Variants in MRAP observed in about 807,000 individuals in gnomAD.
MRAP encodes the protein melanocortin 2 receptor accessory protein, also known as melanocortin-2 receptor accessory protein.
In MRAP, 8 loss-of-function variants were observed where a neutral mutation model predicts 8.7. The ratio of observed to expected loss-of-function variants is 0.92; its 90% confidence interval spans 0.54 to 1.66. The LOEUF (loss-of-function observed/expected upper bound fraction) is 1.66. Among genes scored for constraint, MRAP ranks in the 40% most tolerant of loss-of-function variants. The pLI is 0.00. For missense variants in MRAP, 237 were observed against 217.1 expected, an observed-to-expected ratio of 1.09 and a Z score of -0.58; for synonymous variants, 95 against 95.5, an observed-to-expected ratio of 1.00 and a Z score of 0.03.
chr21:32,306,767 G>T (rs771961650), intron 2 of MRAP, 28 bp downstream of exon 2: 2 of 1,560,390 alleles, frequency 1.3e-6, no homozygotes, highest in Admixed American at 1.7e-5. Context: ...TGAGTCTGTG[G>T]GTCACTCAGA....
chr21:32,312,006 A>AT lies in MRAP; in HGVS notation c.*11dup. 2 of 1,613,000 alleles carry AT rather than the reference A, an allele frequency of 1.2e-6. No individual in the cohort carries two copies. The highest frequency in any genetic ancestry group is 1.7e-6 in the Non-Finnish European group (2 of 1,180,034). ...TCAATTGCAGAGCTGATGTCAGTAA[A>AT]TCGTGGCCATAGCTGAGTGAACTGG... On this transcript the variant is annotated 3_prime_UTR_variant, in exon 3 of 3. Coordinates refer to ENST00000303645, the MANE Select transcript of MRAP (RefSeq NM_001379228.1).
At chr21:32,298,459 G>T (rs1482967653), upstream of MRAP, among the ~76,000 whole-genome samples, 2 of 152,192 alleles carry the variant, frequency 1.3e-5, no homozygotes, top group Non-Finnish European at 2.9e-5. Flanking sequence ...TCTGCCCTCA[G>T]ATATTGAATC....
rs566223651 is a variant in MRAP at position 32,299,078 on chromosome 21, G to C, written c.106+1G>C. 20 of 1,612,992 alleles carry C rather than the reference G, an allele frequency of 1.2e-5. No individual in the cohort carries two copies. The highest frequency in any genetic ancestry group is 2.2e-5 in the East Asian group (1 of 44,854). Reference sequence around the variant, plus strand: ...GAGAAGAAGCTGAAAGCCCACAAACGTAAGTCTGAACTAGGGAAGCCGGTC... The same window carrying C: ...GAGAAGAAGCTGAAAGCCCACAAACCTAAGTCTGAACTAGGGAAGCCGGTC... On this transcript the variant is annotated splice_donor_variant, in intron 1 of 2. Transcript: ENST00000303645. LOFTEE classifies it high-confidence loss of function.
intron 1 of MRAP, 37 bp downstream of exon 1, chr21:32,299,114 T>G: frequency 6.4e-7 from 1 of 1,563,076 alleles, no homozygotes; most frequent in Non-Finnish European, 8.8e-7. Context: ...AGACAGAGGC[T>G]GGGGGCCGGG....
At chr21:32,299,627 G>A in intron 1 of MRAP, among the ~76,000 whole-genome samples, 1 of 152,128 alleles carries the variant, frequency 6.6e-6, no homozygotes. Flanking sequence ...CACCGTGCCT[G>A]GCGAGAATAT....
At chr21:32,310,635 A>T (rs908029242) in intron 2 of MRAP, among the ~76,000 whole-genome samples, 2 of 150,702 alleles carry the variant, frequency 1.3e-5, no homozygotes, top group Non-Finnish European at 3.0e-5. Flanking sequence ...CCCAGGGAGG[A>T]CACATTTCTT....
At chr21:32,300,928 T>C (rs2032278143) in intron 1 of MRAP, among the ~76,000 whole-genome samples, 1 of 151,758 alleles carries the variant, frequency 6.6e-6, no homozygotes, top group East Asian at 1.9e-4. Context: ...TGTCATGATA[T>C]ATCGTGTATG....
chr21:32,292,493 G>A lies in MRAP; in HGVS notation c.-150-500G>A, dbSNP rs186441110. ...TTCCTTTGAGATGGAGTCTTGCTCT[G>A]TCGTCCAGGTTGGAATACAGTGGCG... On this transcript the variant is annotated intron_variant, in intron 1 of 4. Transcript: ENST00000399784. Among the ~76,000 whole-genome samples the A allele has an allele frequency of 2.0e-5, 3 of 152,206 alleles. No individual in the cohort carries two copies. In the East Asian group the frequency reaches 5.8e-4, roughly 29 times the overall value.
chr21:32,300,250 C>G (rs1175490797), intron 1 of MRAP, among the ~76,000 whole-genome samples: 1 of 152,090 alleles, frequency 6.6e-6, no homozygotes, highest in Non-Finnish European at 1.5e-5. Flanking sequence ...TAAACGCAGA[C>G]CAGGCATGGT....
At chr21:32,306,766 G>A (rs1301649953) in intron 2 of MRAP, 27 bp downstream of exon 2, 1 of 1,573,004 alleles carries the variant, frequency 6.4e-7, no homozygotes, top group Admixed American at 1.7e-5. Context: ...GTGAGTCTGT[G>A]GGTCACTCAG....
At chr21:32,300,785 CGGATGTGTCATGCATCCTATGTCA>C (rs2032267514) in intron 1 of MRAP, among the ~76,000 whole-genome samples, 1 of 142,048 alleles carries the variant, frequency 7.0e-6, no homozygotes. Context: ...CCTCCTATGT[CGGATGTGTCATGCATCCTATGTCA>C]GGGGCGTCAT....
At chr21:32,297,455 A>T (rs976084897), upstream of MRAP, among the ~76,000 whole-genome samples, 1 of 152,234 alleles carries the variant, frequency 6.6e-6, no homozygotes, top group South Asian at 2.1e-4. Flanking sequence ...TGGTGAACAC[A>T]TTGAGGTGCT....
chr21:32,307,433 C>T (rs745554666), intron 2 of MRAP, among the ~76,000 whole-genome samples: 2 of 151,734 alleles, frequency 1.3e-5, no homozygotes, highest in African/African-American at 4.8e-5. Context: ...AAAAATTAGC[C>T]GGGCGTGGTG....
intron 2 of MRAP, chr21:32,311,458 G>A (rs528499742): frequency 2.8e-5 from 12 of 427,990 alleles, no homozygotes; most frequent in African/African-American, 2.4e-4. Flanking sequence ...TGGCCTCCAG[G>A]GAAAGACCTG....
rs760615045 is a variant in MRAP at position 32,306,660 on chromosome 21, TG to T, written c.130del (p.Val44Ter). The T allele has an allele frequency of 2.5e-6, 4 of 1,614,182 alleles. No individual in the cohort carries two copies. The highest frequency in any genetic ancestry group is 3.4e-6 in the Non-Finnish European group (4 of 1,180,032). On this transcript the variant is annotated frameshift_variant, in exon 2 of 3. Coordinates refer to ENST00000303645, the MANE Select transcript of MRAP (RefSeq NM_001379228.1). LOFTEE classifies it high-confidence loss of function. ...CGCAGATTCCATCGTGATCGCATTCTGGGTGAGCCTGGCTGCCTTCGTGGTG... is the reference window on the plus strand; with the variant it reads ...CGCAGATTCCATCGTGATCGCATTCTGGTGAGCCTGGCTGCCTTCGTGGTG... The part of the protein sequence containing the change: ...AHKHSIVIAF[W>X]VSLAAFVVLL...
Position 32,311,857 on chromosome 21 carries a change from G to A in MRAP, c.380G>A (p.Ser127Asn). The change falls in exon 3 of 3, where the codon AGC becomes AAC. Residue 127 changes from serine (S) to asparagine (N), a missense_variant. Physicochemically the swap from Ser to Asn is conservative, Grantham distance 46. Coordinates refer to ENST00000303645, the MANE Select transcript of MRAP (RefSeq NM_001379228.1). ...TGPDQPLRQE[S>N]SSTLPLGGFQ... is the part of the protein sequence containing the mutation. The stretch of plus-strand genomic sequence containing the variant: ...CCTGACCAGCCGCTACGACAGGAGA[G>A]CTCCTCCACCTTGCCCCTCGGGGGT... 6.2e-7 allele frequency: 1 copy of A among 1,614,134 alleles called. No individual in the cohort carries two copies. Among genetic ancestry groups the A allele is most frequent in the Admixed American group, 1.7e-5 (1 of 60,026 alleles).
upstream of MRAP, among the ~76,000 whole-genome samples, chr21:32,294,282 T>A (rs936366428): frequency 1.3e-5 from 2 of 151,954 alleles, no homozygotes; most frequent in African/African-American, 4.8e-5. Flanking sequence ...ACCTGGCTAA[T>A]TTTTTTGTAT....
downstream of MRAP, chr21:32,312,392 T>C: frequency 9.3e-7 from 1 of 1,072,072 alleles, no homozygotes. Context: ...GTTAGGATGC[T>C]GGGTAAGTTC....
At chr21:32,294,579 C>T (rs2032106447), upstream of MRAP, among the ~76,000 whole-genome samples, 1 of 152,120 alleles carries the variant, frequency 6.6e-6, no homozygotes, top group South Asian at 2.1e-4. Context: ...GATGTATATA[C>T]TCTTGGTATA....
Sources: allele counts gnomAD v4.1 joint callset (sites outside exome capture counted in the v4.1 genomes callset), GRCh38; gene constraint gnomAD v4.1.1; transcripts MANE v1.5; gene names NCBI Gene and HGNC (gene_info 2026-07-23, HGNC 2026-07-21).